The following IL5RA variants were observed in gnomAD, a reference collection of about 807,000 sequenced individuals.
IL5RA encodes the protein interleukin-5 receptor subunit alpha.
A neutral mutation model predicts 50.0 loss-of-function variants in IL5RA; 49 were observed. The observed-to-expected ratio is 0.98, with a 90% CI of 0.78 to 1.24. The LOEUF (loss-of-function observed/expected upper bound fraction) is 1.24. IL5RA is among the 50% of genes most tolerant of loss of function. The pLI, the probability that IL5RA is intolerant of heterozygous loss-of-function variation, is 0.00. For missense variants in IL5RA, 600 were observed against 500.4 expected (o/e 1.20, Z -1.90); for synonymous variants, 202 against 174.0 (o/e 1.16, Z -1.26).
intron 7 of IL5RA, among the ~76,000 whole-genome samples, chr3:3,096,092 C>T (rs931829207): frequency 1.1e-4 from 17 of 152,056 alleles, no homozygotes; most frequent in South Asian, 2.1e-4. Flanking sequence ...TCCTGGCTAA[C>T]GTGGTGAAAC....
intron 2 of IL5RA, among the ~76,000 whole-genome samples, chr3:3,108,226 A>G (rs1227956577): frequency 6.6e-6 from 1 of 152,204 alleles, no homozygotes; most frequent in Non-Finnish European, 1.5e-5. Flanking sequence ...ACCTAGGTAT[A>G]TTGCATTACC....
chr3:3,107,208 A>C lies in IL5RA; in HGVS notation c.-4+1342T>G, dbSNP rs976021823. ...CAAAATCAGTTGTCCTATAGGCAGC[A>C]CAAGGTACTCAGTAGGGGTCTAAAT... On this transcript the variant is annotated intron_variant, in intron 2 of 11. Transcript: ENST00000446632. Among the ~76,000 whole-genome samples, 4 of 151,960 alleles carry C rather than the reference A, an allele frequency of 2.6e-5. No individual in the cohort carries two copies. In the South Asian group the frequency reaches 8.3e-4, roughly 31 times the overall value.
In IL5RA at chr3:3,076,607, A is replaced by T. The variant is rs1392785947; in HGVS notation, c.1015T>A (p.Leu339Met). 1 of 1,609,908 alleles carries T rather than the reference A, an allele frequency of 6.2e-7. No homozygotes were observed. The highest frequency in any genetic ancestry group is 1.7e-5 in the Admixed American group (1 of 59,926). Residue 339 changes from leucine (L) to methionine (M), a missense_variant, in exon 10 of 12, where the codon TTG becomes ATG. By Grantham distance (15) the Leu-to-Met change is conservative. Transcript: ENST00000446632. ...ATCACAATGACAAACCACTCTCTCAAGGGCTTGTGTTCATCATTTCCTGGT... is the reference window on the plus strand; with the variant it reads ...ATCACAATGACAAACCACTCTCTCATGGGCTTGTGTTCATCATTTCCTGGT... ...IYVGNDEHKP[L>M]REWFVIVIMA...
Position 3,092,197 on chromosome 3 carries a change from A to C in IL5RA, c.994+27T>G. The stretch of plus-strand genomic sequence containing the variant: ...TTTTTTGATCACAAGGAAGGCTGCC[A>C]ATGTAAAATAAACATAAGCTACTTA... On this transcript the variant is annotated intron_variant, in intron 9 of 11. Transcript: ENST00000446632. The surrounding 1 kb of genome is among the most constrained non-coding windows in gnomAD (Gnocchi z 4.2). The C allele has an allele frequency of 6.2e-7, 1 of 1,605,208 alleles. No homozygotes were observed. Among genetic ancestry groups the C allele is most frequent in the African/African-American group, 1.3e-5 (1 of 74,624 alleles).
chr3:3,077,350 G>A (rs973109499), intron 9 of IL5RA, among the ~76,000 whole-genome samples: 9 of 152,080 alleles, frequency 5.9e-5, no homozygotes, highest in African/African-American at 2.2e-4. Flanking sequence ...TGTGCACAAC[G>A]TGCAGGTTTG....
In IL5RA at chr3:3,098,247, G is replaced by A. The variant is rs775408106; in HGVS notation, c.411C>T (p.Asn137=). The A allele has an allele frequency of 1.3e-5, 21 of 1,613,948 alleles. No homozygotes were observed. Among genetic ancestry groups the A allele is most frequent in the East Asian group, 2.2e-5 (1 of 44,898 alleles). The change falls in exon 6 of 12, where the codon AAC becomes AAT. Residue 137 remains asparagine (N), a synonymous_variant. Transcript: ENST00000446632. ...TSIVNLTCTT[N]TTEDNYSRLR... ...AACGTGAATAATTGTCTTCTGTAGTGTTTGTGGTGCAAGTTAAATTCACAA... is the reference window on the plus strand; with the variant it reads ...AACGTGAATAATTGTCTTCTGTAGTATTTGTGGTGCAAGTTAAATTCACAA...
chr3:3,076,320 ATT>A (rs1559861384), intron 10 of IL5RA, among the ~76,000 whole-genome samples: 1 of 108,600 alleles, frequency 9.2e-6, no homozygotes, highest in Non-Finnish European at 2.0e-5. Flanking sequence ...TGAGGGCTGC[ATT>A]GTGTGCTCTG....
At chr3:3,071,552 A>AGT (rs55736610) in intron 11 of IL5RA, among the ~76,000 whole-genome samples, 22,238 of 135,422 alleles carry the variant, frequency 0.16, 1,920 homozygotes, top group East Asian at 0.36. Flanking sequence ...CTTCCTTCAC[A>AGT]GTGTGTGTGT....
intron 2 of IL5RA, among the ~76,000 whole-genome samples, chr3:3,105,892 A>T (rs897680265): frequency 6.6e-6 from 1 of 152,178 alleles, no homozygotes; most frequent in Admixed American, 6.6e-5. Flanking sequence ...TTTGAAAGGC[A>T]TATTTCATAA....
Position 3,091,537 on chromosome 3 carries a change from G to T in IL5RA, c.994+687C>A, listed in dbSNP as rs372445375. Among the ~76,000 whole-genome samples, 267 of 152,248 alleles carry T rather than the reference G, an allele frequency of 1.8e-3. 9 individuals are homozygous for T. In the South Asian group the frequency reaches 0.05, roughly 29 times the overall value. On this transcript the variant is annotated intron_variant, in intron 9 of 11. Coordinates refer to ENST00000446632, the MANE Select transcript of IL5RA (RefSeq NM_175726.4). ...ACCTGAAGTCAGGAGTTCGAGACCA[G>T]CCTGACCAACGTGGTGAAACCCTGT...
chr3:3,090,958 G>C (rs569136420), intron 9 of IL5RA, among the ~76,000 whole-genome samples: 1 of 152,094 alleles, frequency 6.6e-6, no homozygotes, highest in Non-Finnish European at 1.5e-5. Context: ...GGTAAGACTG[G>C]AAATGTGCCC....
chr3:3,090,104 T>A lies in IL5RA; in HGVS notation c.994+2120A>T. 2.6e-6 allele frequency: 3 copies of A among 1,168,804 alleles called. No homozygotes were observed. The South Asian group carries it at 4.4e-5, about 17-fold the overall frequency. 72.4% of individuals were successfully genotyped at this position (1,168,804 alleles called of 1,614,324 possible). A position where few individuals can be genotyped will look rare whatever the true frequency, so the allele number is the denominator to read the frequency against. On this transcript the variant is annotated intron_variant, in intron 9 of 11. Coordinates refer to ENST00000446632, the MANE Select transcript of IL5RA (RefSeq NM_175726.4). ...TACCTAAACTTTCCAAACAAGTTTT[T>A]TGATAGGACTAAGATTATGTATTTA... is the stretch of plus-strand genomic sequence containing the variant.
At chr3:3,101,449 C>T (rs980807427) in intron 5 of IL5RA, among the ~76,000 whole-genome samples, 1 of 152,172 alleles carries the variant, frequency 6.6e-6, no homozygotes, top group African/African-American at 2.4e-5. Flanking sequence ...ATCAGAAACA[C>T]CAACTTTCCA....
In IL5RA at chr3:3,092,882, G is replaced by A. The variant is rs1703190081; in HGVS notation, c.856-520C>T. ...CACCTGTATCTTGAATACCCCCGGA[G>A]GTGTTTCTCCCTTTTTTACTCCAGC... On this transcript the variant is annotated intron_variant, in intron 8 of 11. Coordinates refer to ENST00000446632, the MANE Select transcript of IL5RA (RefSeq NM_175726.4). This position sits in a 1 kb window ranked among gnomAD's most constrained non-coding sequence, Gnocchi z 4.2. 6.6e-6 allele frequency among the ~76,000 whole-genome samples: 1 copy of A among 152,048 alleles called. No individual in the cohort carries two copies. Among genetic ancestry groups the A allele is most frequent in the Admixed American group, 6.6e-5 (1 of 15,236 alleles).
chr3:3,103,271 A>T (rs1442919923), intron 3 of IL5RA, among the ~76,000 whole-genome samples: 1 of 152,210 alleles, frequency 6.6e-6, no homozygotes, highest in Non-Finnish European at 1.5e-5. Flanking sequence ...ATTTTTATTG[A>T]AATATGAACA....
At chr3:3,077,101 A>G (rs982930535) in intron 9 of IL5RA, among the ~76,000 whole-genome samples, 1 of 152,228 alleles carries the variant, frequency 6.6e-6, no homozygotes, top group Non-Finnish European at 1.5e-5. Flanking sequence ...CTTGTAGTGA[A>G]CAATAAAGGC....
chr3:3,102,651 A>C (rs769105357), intron 4 of IL5RA, 24 bp downstream of exon 4: 3 of 1,482,236 alleles, frequency 2.0e-6, no homozygotes, highest in African/African-American at 2.8e-5. Context: ...CTCAATAAGG[A>C]TATCCATTAG....
intron 9 of IL5RA, among the ~76,000 whole-genome samples, chr3:3,090,975 C>G (rs948343550): frequency 2.6e-5 from 4 of 152,204 alleles, no homozygotes; most frequent in Non-Finnish European, 5.9e-5. Context: ...GCCCCTTCAT[C>G]CATAGCTGCC....
rs374021605 is a variant in IL5RA at position 3,091,035 on chromosome 3, C to T, written c.994+1189G>A. On this transcript the variant is annotated intron_variant, in intron 9 of 11. Transcript: ENST00000446632. ...GGATCTCACTGACAGAGACGATGCC[C>T]ATCTTACTTGCCAAGCAAACTAGTC... Among the ~76,000 whole-genome samples, 29 of 152,202 alleles carry T rather than the reference C, an allele frequency of 1.9e-4. 1 individual carries two copies. In the East Asian group the frequency reaches 4.8e-3, roughly 25 times the overall value.
Sources: allele counts gnomAD v4.1 joint callset (sites outside exome capture counted in the v4.1 genomes callset), GRCh38; gene constraint gnomAD v4.1.1; non-coding constraint Gnocchi (gnomAD v3.1); transcripts MANE v1.5; gene names NCBI Gene and HGNC (gene_info 2026-07-23, HGNC 2026-07-21).